ATP7A: variants seen among roughly 807,000 people sequenced by gnomAD.
ATP7A encodes ATPase copper transporting alpha, also known as copper-transporting ATPase 1.
In ATP7A, 7 loss-of-function variants were observed where a neutral mutation model predicts 83.5. The ratio of observed to expected loss-of-function variants is 0.08; its 90% CI spans 0.05 to 0.16. The LOEUF is 0.16. Among genes scored for constraint, ATP7A ranks in the 10% least tolerant of loss-of-function variants. The pLI is 1.00. For synonymous variants in ATP7A, 354 were observed against 395.2 expected, an observed-to-expected ratio of 0.90 and a Z score of 1.24; for missense variants, 940 against 1,120.8, an observed-to-expected ratio of 0.84 and a Z score of 2.30.
chrX:77,911,284 CTG>C (rs2077158306), intron 1 of ATP7A, among the ~76,000 whole-genome samples: 1 of 112,242 alleles, frequency 8.9e-6, no homozygotes, highest in Non-Finnish European at 1.9e-5. Flanking sequence ...GTAAGGTAAA[CTG>C]AGAGAACTCT....
intron 1 of ATP7A, among the ~76,000 whole-genome samples, chrX:77,917,385 T>C (rs1047751470): frequency 1.8e-5 from 2 of 111,586 alleles, no homozygotes; most frequent in Non-Finnish European, 3.8e-5. Context: ...TTTGATCTCA[T>C]CTCTACTCTA....
chrX:77,983,431 A>G (rs1380927606), intron 2 of ATP7A, among the ~76,000 whole-genome samples: 1 of 112,053 alleles, frequency 8.9e-6, no homozygotes, highest in Non-Finnish European at 1.9e-5. Flanking sequence ...TCATATGCAA[A>G]TAAAGTATAC....
chrX:78,014,543 A>G, intron 10 of ATP7A, 119 bp from the exon 11 acceptor site: 1 of 479,424 alleles, frequency 2.1e-6, no homozygotes, highest in Non-Finnish European at 3.5e-6. Context: ...TAATTTTTAA[A>G]CAAATTAATA....
At chrX:77,968,649 T>A (rs1188919078) in intron 1 of ATP7A, among the ~76,000 whole-genome samples, 1 of 112,502 alleles carries the variant, frequency 8.9e-6, no homozygotes, top group Non-Finnish European at 1.9e-5. Flanking sequence ...CAGCTTAGAC[T>A]GAGAACCTGT....
intron 1 of ATP7A, chrX:77,923,372 C>G (rs2077225328): frequency 9.0e-6 from 1 of 110,758 alleles, no homozygotes; most frequent in South Asian, 3.7e-4. Context: ...TGCCCATGCT[C>G]TTTCCACTCT....
intron 6 of ATP7A, among the ~76,000 whole-genome samples, chrX:78,005,507 C>A: frequency 9.2e-6 from 1 of 108,625 alleles, no homozygotes; most frequent in Non-Finnish European, 1.9e-5. Flanking sequence ...CATGGTGAAA[C>A]CCCGTCTCTA....
chrX:78,019,431 G>A (rs193117143), intron 12 of ATP7A, among the ~76,000 whole-genome samples: 1 of 111,799 alleles, frequency 8.9e-6, no homozygotes, highest in African/African-American at 3.2e-5. Context: ...AAATAATTTA[G>A]GACTGTGTGT....
At chrX:77,917,405 A>T (rs2077190670) in intron 1 of ATP7A, among the ~76,000 whole-genome samples, 1 of 111,579 alleles carries the variant, frequency 9.0e-6, no homozygotes, top group Non-Finnish European at 1.9e-5. Context: ...AATTTGTTTA[A>T]GTTTAGAATT....
rs1214570040 is a variant in ATP7A, at chrX:78,050,254, C to T, written c.*3684C>T. ...TTGTTGAACATTGATTGTTTGGTAC[C>T]GAAAACAGCAGTGGACGATGTTGTG... On this transcript the variant is annotated 3_prime_UTR_variant, in exon 23 of 23. Transcript: ENST00000341514. 1.8e-5 allele frequency: 2 copies of T among 111,793 alleles called. No homozygotes were observed. Among genetic ancestry groups the T allele is most frequent in the Admixed American group, 9.6e-5 (1 of 10,452 alleles). 9.2% of individuals were successfully genotyped at this position (111,793 alleles called of 1,213,427 possible). A position where few individuals can be genotyped will look rare whatever the true frequency, so the allele number is the denominator to read the frequency against.
chrX:77,999,075 C>T (rs1215420970), intron 5 of ATP7A, among the ~76,000 whole-genome samples: 1 of 107,889 alleles, frequency 9.3e-6, no homozygotes, highest in African/African-American at 3.4e-5. Flanking sequence ...CGGCTCACTG[C>T]AACCTCTGCC....
At chrX:78,004,167 A>G (rs1864762398) in intron 6 of ATP7A, among the ~76,000 whole-genome samples, 1 of 111,897 alleles carries the variant, frequency 8.9e-6, no homozygotes. Context: ...AAGCAAAACA[A>G]GTTGCAGTGT....
At chrX:78,023,567 T>C (rs1161163610) in intron 14 of ATP7A, among the ~76,000 whole-genome samples, 1 of 111,291 alleles carries the variant, frequency 9.0e-6, no homozygotes, top group African/African-American at 3.3e-5. Flanking sequence ...TGTTGAGTAT[T>C]TTTTCATGTG....
At chrX:78,032,606 T>C (rs1157003169) in intron 16 of ATP7A, among the ~76,000 whole-genome samples, 1 of 112,340 alleles carries the variant, frequency 8.9e-6, no homozygotes, top group Non-Finnish European at 1.9e-5. Flanking sequence ...ATTGACCATT[T>C]GAATTTCTTT....
intron 1 of ATP7A, among the ~76,000 whole-genome samples, chrX:77,956,726 C>CTCTCTCTTTCTTT (rs1557227391): frequency 2.7e-5 from 2 of 73,772 alleles, no homozygotes; most frequent in Admixed American, 1.7e-4. Flanking sequence ...TACCCAGTCT[C>CTCTCTCTTTCTTT]CTTTCTTTCT....
intron 1 of ATP7A, among the ~76,000 whole-genome samples, chrX:77,945,861 T>C (rs1237859837): frequency 8.9e-6 from 1 of 111,759 alleles, no homozygotes; most frequent in Non-Finnish European, 1.9e-5. Context: ...AATTTACAGG[T>C]GGGATAAGAT....
chrX:77,983,728 T>C (rs2077617763), intron 2 of ATP7A, among the ~76,000 whole-genome samples: 1 of 110,424 alleles, frequency 9.1e-6, no homozygotes, highest in Non-Finnish European at 1.9e-5. Flanking sequence ...CGAGACGGAG[T>C]TTCACTCTCT....
At chrX:77,946,971 T>G (rs1297091985) in intron 1 of ATP7A, among the ~76,000 whole-genome samples, 1 of 112,007 alleles carries the variant, frequency 8.9e-6, no homozygotes, top group African/African-American at 3.2e-5. Context: ...CATTGCAGCA[T>G]TATTCATAGT....
intron 14 of ATP7A, among the ~76,000 whole-genome samples, chrX:78,024,542 C>T (rs985297954): frequency 2.7e-5 from 3 of 111,730 alleles, no homozygotes; most frequent in African/African-American, 3.3e-5. Flanking sequence ...CATGGTGGCT[C>T]CACCCCTACT....
chrX:77,956,726 C>CCTTTTTT (rs2077443068), intron 1 of ATP7A, among the ~76,000 whole-genome samples: 1 of 73,772 alleles, frequency 1.4e-5, no homozygotes, highest in Admixed American at 1.7e-4. Flanking sequence ...TACCCAGTCT[C>CCTTTTTT]CTTTCTTTCT....
Sources: gnomAD v4.1 joint callset for allele counts (sites outside exome capture counted in the v4.1 genomes callset) on GRCh38, gnomAD v4.1.1 for gene constraint, MANE v1.5 for transcripts, NCBI Gene and HGNC (gene_info 2026-07-23, HGNC 2026-07-21) for gene names.